Variants in SYNJ1 observed in about 807,000 individuals in gnomAD.
The protein encoded by SYNJ1 is polyphosphatidylinositol phosphatase SYNJ1.
A neutral mutation model predicts 168.2 loss-of-function variants in SYNJ1; 78 were observed. The observed-to-expected ratio is 0.46, with a 90% CI of 0.39 to 0.56. SYNJ1 has a LOEUF of 0.56. Among genes scored for constraint, SYNJ1 ranks in the 20% least tolerant of loss-of-function variants. The pLI, the probability that SYNJ1 is intolerant of heterozygous loss-of-function variation, is 0.00. For missense variants in SYNJ1, 1,303 were observed against 1,597.6 expected (o/e 0.82, Z 3.14); for synonymous variants, 539 against 548.6 (o/e 0.98, Z 0.24).
intron 10 of SYNJ1, 80 bp downstream of exon 10, chr21:32,683,958 T>C (rs1024854433): frequency 2.5e-6 from 3 of 1,214,500 alleles, no homozygotes; most frequent in Admixed American, 3.5e-5. Flanking sequence ...TTCTGGAAGG[T>C]AATAAGAAAC....
chr21:32,712,486 T>C (rs2042863027), intron 2 of SYNJ1, among the ~76,000 whole-genome samples: 2 of 152,078 alleles, frequency 1.3e-5, no homozygotes, highest in Admixed American at 1.3e-4. Flanking sequence ...AGCTGAAAGA[T>C]ATTAAACTAT....
chr21:32,646,425 G>A lies in SYNJ1; in HGVS notation c.3215C>T (p.Pro1072Leu). ...ACTGGGAGGCCCAGGAGTTCTTGAC[G>A]GTGCTCGGCTTGGTCTGATGGGAAG... ...PSLPIRPSRA[P>L]SRTPGPPSAQ... The change falls in exon 24 of 33, where the codon CCG becomes CTG. Residue 1072 changes from proline (P) to leucine (L), a missense_variant. Coordinates refer to ENST00000674351, the MANE Select transcript of SYNJ1 (RefSeq NM_203446.3). 6.2e-7 allele frequency: 1 copy of A among 1,614,120 alleles called. No individual in the cohort carries two copies. Among genetic ancestry groups the A allele is most frequent in the Non-Finnish European group, 8.5e-7 (1 of 1,180,024 alleles).
intron 2 of SYNJ1, among the ~76,000 whole-genome samples, chr21:32,712,323 T>A (rs1182191267): frequency 6.6e-6 from 1 of 152,172 alleles, no homozygotes; most frequent in Non-Finnish European, 1.5e-5. Flanking sequence ...AATCCAAGCT[T>A]CTCATTTTCA....
intron 2 of SYNJ1, 61 bp downstream of exon 2, chr21:32,726,711 T>C (rs987306973): frequency 2.5e-6 from 4 of 1,593,938 alleles, no homozygotes; most frequent in East Asian, 2.2e-5. Flanking sequence ...AATGGTTGCA[T>C]CTGAATTGTT....
chr21:32,681,633 A>G lies in SYNJ1; in HGVS notation c.1216T>C (p.Leu406=), dbSNP rs1342491048. ...TTTTCAGCTAAACCAAGAGCTTCCA[A>G]CTGTTTAGCTAGCATCTTAAAAAGC... ...FLGLEMLAKQ[L]EALGLAEKPQ... Residue 406 remains leucine (L), a synonymous_variant, in exon 11 of 33, where the codon TTG becomes CTG. Transcript: ENST00000674351. The G allele has an allele frequency of 6.2e-7, 1 of 1,613,160 alleles. No individual in the cohort carries two copies. The highest frequency in any genetic ancestry group is 1.3e-5 in the African/African-American group (1 of 75,008).
chr21:32,692,964 G>A (rs2042078925), intron 6 of SYNJ1, among the ~76,000 whole-genome samples: 1 of 152,152 alleles, frequency 6.6e-6, no homozygotes, highest in African/African-American at 2.4e-5. Flanking sequence ...CTGGGAGATC[G>A]AGGCTGCAGT....
chr21:32,665,803 T>A lies in SYNJ1; in HGVS notation c.2145+140A>T, dbSNP rs701734. On this transcript the variant is annotated intron_variant, in intron 17 of 32. Coordinates refer to ENST00000674351, the MANE Select transcript of SYNJ1 (RefSeq NM_203446.3). ...TGTCTCAGATATTTTGGGTTAATAC[T>A]CATGAAATATCTATTTAGGTGAATA... is the stretch of plus-strand genomic sequence containing the variant. 0.55 allele frequency: 508,064 copies of A among 917,842 alleles called. 141,241 individuals carry two copies. Among genetic ancestry groups the A allele is most frequent in the East Asian group, 0.56 (19,830 of 35,214 alleles). 56.9% of individuals were successfully genotyped at this position (917,842 alleles called of 1,614,324 possible).
chr21:32,727,810 C>T, intron 1 of SYNJ1, 136 bp downstream of exon 1: 4 of 1,456,460 alleles, frequency 2.7e-6, no homozygotes, highest in African/African-American at 1.5e-5. Flanking sequence ...TCCTCCCGCA[C>T]CCCGGCTGCT....
At chr21:32,657,992 C>T (rs576802734) in intron 18 of SYNJ1, 120 bp from the exon 19 acceptor site, 99 of 717,268 alleles carry the variant, frequency 1.4e-4, no homozygotes, top group South Asian at 1.3e-3. Context: ...AATCTGTATG[C>T]GTCTGATGAA....
intron 9 of SYNJ1, among the ~76,000 whole-genome samples, chr21:32,684,776 T>C (rs2082300566): frequency 6.6e-6 from 1 of 152,232 alleles, no homozygotes. Flanking sequence ...GCATGAAGTA[T>C]GGAGCCAGAC....
chr21:32,715,715 T>C (rs368554996), intron 2 of SYNJ1, among the ~76,000 whole-genome samples: 11 of 152,068 alleles, frequency 7.2e-5, no homozygotes, highest in Non-Finnish European at 1.6e-4. Context: ...TATAATGAAA[T>C]AGAAACACAA....
At chr21:32,669,150 T>C (rs1271476480) in intron 15 of SYNJ1, among the ~76,000 whole-genome samples, 2 of 152,092 alleles carry the variant, frequency 1.3e-5, no homozygotes, top group African/African-American at 2.4e-5. Flanking sequence ...TTATGATCTG[T>C]AACAAAAAAA....
At position 32,630,799 on chromosome 21, in the gene SYNJ1, C is replaced by CT. The variant is rs2039288188; in HGVS notation, c.*1005_*1006insA. ...ATCCAAAGAGAAATACATCAAAACT[C>CT]CAGTTAACAATGAGAAGGGTTTTTC... On this transcript the variant is annotated 3_prime_UTR_variant, in exon 33 of 33. Coordinates refer to ENST00000674351, the MANE Select transcript of SYNJ1 (RefSeq NM_203446.3). 1.9e-6 allele frequency: 1 copy of CT among 527,642 alleles called. No individual in the cohort carries two copies. Among genetic ancestry groups the CT allele is most frequent in the African/African-American group, 1.9e-5 (1 of 53,044 alleles). 32.7% of individuals were successfully genotyped at this position (527,642 alleles called of 1,614,324 possible). A position where few individuals can be genotyped will look rare whatever the true frequency, so the allele number is the denominator to read the frequency against.
intron 23 of SYNJ1, among the ~76,000 whole-genome samples, chr21:32,649,677 T>A (rs1041365539): frequency 2.6e-5 from 4 of 152,256 alleles, no homozygotes; most frequent in Non-Finnish European, 5.9e-5. Flanking sequence ...AAGGTCTTAA[T>A]ATTTGAATGG....
chr21:32,682,042 ATAAGTT>A (rs946424002), intron 10 of SYNJ1, among the ~76,000 whole-genome samples: 13 of 152,200 alleles, frequency 8.5e-5, no homozygotes, highest in South Asian at 4.1e-4. Context: ...ATTTGGCTTT[ATAAGTT>A]TAAGTAATTA....
intron 2 of SYNJ1, among the ~76,000 whole-genome samples, chr21:32,708,596 T>G (rs1035562876): frequency 3.9e-5 from 6 of 152,244 alleles, no homozygotes; most frequent in Non-Finnish European, 8.8e-5. Flanking sequence ...TTAGTTCACA[T>G]GCTGAACACA....
At chr21:32,676,827 C>T (rs1488548338) in intron 12 of SYNJ1, among the ~76,000 whole-genome samples, 4 of 152,216 alleles carry the variant, frequency 2.6e-5, no homozygotes, top group South Asian at 2.1e-4. Flanking sequence ...AAAAACATCA[C>T]CATGCTATGC....
intron 6 of SYNJ1, among the ~76,000 whole-genome samples, chr21:32,693,284 G>A (rs1392532778): frequency 1.3e-5 from 2 of 152,218 alleles, no homozygotes; most frequent in East Asian, 3.9e-4. Context: ...TCTCCTAAGG[G>A]AAATTTAGGG....
At chr21:32,715,281 T>C (rs1225585124) in intron 2 of SYNJ1, among the ~76,000 whole-genome samples, 1 of 152,168 alleles carries the variant, frequency 6.6e-6, no homozygotes, top group Non-Finnish European at 1.5e-5. Context: ...GAGACCAGCC[T>C]GGCCAGTAAG....
Sources: gnomAD v4.1 joint callset for allele counts (sites outside exome capture counted in the v4.1 genomes callset) on GRCh38, gnomAD v4.1.1 for gene constraint, MANE v1.5 for transcripts, NCBI Gene and HGNC (gene_info 2026-07-23, HGNC 2026-07-21) for gene names.